The following SLC35G2 variants were observed in gnomAD, a reference collection of about 807,000 sequenced individuals.
SLC35G2 encodes the protein transmembrane protein 22.
A neutral mutation model predicts 27.2 loss-of-function variants in SLC35G2; 20 were observed. The ratio of observed to expected loss-of-function variants is 0.74; its 90% CI spans 0.52 to 1.07. The LOEUF is 1.07. SLC35G2 is among the 50% of genes least tolerant of loss of function. SLC35G2 has a pLI of 0.00. For missense variants in SLC35G2, 416 were observed against 493.3 expected (o/e 0.84, Z 1.48); for synonymous variants, 148 against 165.3 (o/e 0.90, Z 0.80).
intron 1 of SLC35G2, among the ~76,000 whole-genome samples, chr3:136,830,169 C>T (rs1936692155): frequency 1.4e-5 from 2 of 142,612 alleles, no homozygotes; most frequent in Non-Finnish European, 3.0e-5. Flanking sequence ...GGTGCAGTGG[C>T]GCGATCTCAG....
intron 1 of SLC35G2, chr3:136,820,390 A>G (rs1409979775): frequency 6.6e-6 from 1 of 152,246 alleles, no homozygotes; most frequent in Non-Finnish European, 1.5e-5. Flanking sequence ...ACCTTTGCCA[A>G]AAATAGCCCA....
chr3:136,826,708 T>C (rs1040665837), intron 1 of SLC35G2, among the ~76,000 whole-genome samples: 2 of 151,996 alleles, frequency 1.3e-5, no homozygotes, highest in Non-Finnish European at 1.5e-5. Flanking sequence ...GCAGTCGTGA[T>C]GCACTGCAAC....
chr3:136,834,951 C>G (rs1366704436), intron 1 of SLC35G2, among the ~76,000 whole-genome samples: 2 of 152,134 alleles, frequency 1.3e-5, no homozygotes, highest in African/African-American at 4.8e-5. Flanking sequence ...CATTCATTTT[C>G]TTTTTCTGAA....
intron 1 of SLC35G2, among the ~76,000 whole-genome samples, chr3:136,821,993 T>C (rs910310162): frequency 6.6e-6 from 1 of 152,162 alleles, no homozygotes; most frequent in Non-Finnish European, 1.5e-5. Flanking sequence ...TACATAGGTA[T>C]ATATATATTT....
chr3:136,845,882 C>T (rs1364684424), intron 1 of SLC35G2, among the ~76,000 whole-genome samples: 1 of 150,952 alleles, frequency 6.6e-6, no homozygotes, highest in African/African-American at 2.4e-5. Context: ...GCGTGAGCCA[C>T]CGCACCCGGC....
rs1243688068 is a variant in SLC35G2, at chr3:136,855,838, A to G, written c.*139A>G. 3.1e-5 allele frequency: 19 copies of G among 621,632 alleles called. No individual in the cohort carries two copies. The highest frequency in any genetic ancestry group is 6.6e-5 in the Admixed American group (2 of 30,116). 38.5% of individuals were successfully genotyped at this position (621,632 alleles called of 1,614,324 possible). A position where few individuals can be genotyped will look rare whatever the true frequency, so the allele number is the denominator to read the frequency against. ...TAATATATACAAATGCAGAAAATTT[A>G]TTCTAGTCTAATATATTCAAATACA... On this transcript the variant is annotated 3_prime_UTR_variant, in exon 2 of 2. Coordinates refer to ENST00000446465, the MANE Select transcript of SLC35G2 (RefSeq NM_025246.3).
At chr3:136,848,694 C>T (rs1421783174) in intron 1 of SLC35G2, among the ~76,000 whole-genome samples, 1 of 152,140 alleles carries the variant, frequency 6.6e-6, no homozygotes. Flanking sequence ...AAATCAAATA[C>T]TGCATGTTCT....
At chr3:136,843,849 C>T (rs6793966) in intron 1 of SLC35G2, among the ~76,000 whole-genome samples, 102,609 of 151,170 alleles carry the variant, frequency 0.68, 35,037 homozygotes, top group East Asian at 0.86. Flanking sequence ...CAGGAGAATC[C>T]CTTGAACCCA....
rs1403864953 is a variant in SLC35G2 at position 136,830,889 on chromosome 3, GTTATAA to G, written c.-19+11267_-19+11272del. Reference sequence around the variant, plus strand: ...TTTTTCAACTTAACACTATTTCATAGTTATAATTATATGTGAACTCAATCCACATAC... The same window carrying G: ...TTTTTCAACTTAACACTATTTCATAGTTATATGTGAACTCAATCCACATAC... On this transcript the variant is annotated intron_variant, in intron 1 of 1. Transcript: ENST00000446465. Among the ~76,000 whole-genome samples the G allele has an allele frequency of 5.3e-5, 8 of 152,108 alleles. No individual in the cohort carries two copies. The East Asian group carries it at 1.2e-3, about 22-fold the overall frequency.
At chr3:136,820,374 C>T (rs922440334) in intron 1 of SLC35G2, 2 of 152,296 alleles carry the variant, frequency 1.3e-5, no homozygotes, top group East Asian at 3.9e-4. Flanking sequence ...TGCCCTTCTA[C>T]TCTGCACCTT....
chr3:136,836,127 C>T (rs917667632), intron 1 of SLC35G2, among the ~76,000 whole-genome samples: 4 of 152,018 alleles, frequency 2.6e-5, no homozygotes, highest in Non-Finnish European at 5.9e-5. Context: ...GAAATTCACA[C>T]ACACACACCC....
chr3:136,848,332 T>A (rs1442293157), intron 1 of SLC35G2, among the ~76,000 whole-genome samples: 2 of 152,130 alleles, frequency 1.3e-5, no homozygotes, highest in Non-Finnish European at 2.9e-5. Context: ...GTTCAGCATA[T>A]CATAGGCTGG....
chr3:136,840,217 T>G (rs1937027361), intron 1 of SLC35G2, among the ~76,000 whole-genome samples: 1 of 152,204 alleles, frequency 6.6e-6, no homozygotes, highest in Non-Finnish European at 1.5e-5. Flanking sequence ...AGGGTTCTCT[T>G]GTACCCAGGT....
At chr3:136,829,433 G>A (rs1042453461) in intron 1 of SLC35G2, among the ~76,000 whole-genome samples, 4 of 152,036 alleles carry the variant, frequency 2.6e-5, no homozygotes, top group Non-Finnish European at 4.4e-5. Flanking sequence ...TATTGGCCAG[G>A]CTGGTTTTGA....
At chr3:136,842,259 A>C (rs1364183421) in intron 1 of SLC35G2, 4 of 152,198 alleles carry the variant, frequency 2.6e-5, no homozygotes, top group African/African-American at 7.2e-5. Flanking sequence ...TTTCATTGCT[A>C]TTTCCTTGTT....
chr3:136,846,949 C>T (rs1937409899), intron 1 of SLC35G2, among the ~76,000 whole-genome samples: 1 of 152,054 alleles, frequency 6.6e-6, no homozygotes, highest in African/African-American at 2.4e-5. Flanking sequence ...AGTGAATCAC[C>T]TGAGGTCAGG....
intron 1 of SLC35G2, among the ~76,000 whole-genome samples, chr3:136,851,496 CAAAAAA>C (rs11427657): frequency 0.11 from 7,037 of 66,346 alleles, 538 homozygotes; most frequent in African/African-American, 0.35. Flanking sequence ...GACTCCGTCT[CAAAAAA>C]AAAAAAAAAA....
intron 1 of SLC35G2, among the ~76,000 whole-genome samples, chr3:136,850,093 C>T (rs891075201): frequency 9.9e-5 from 15 of 152,058 alleles, no homozygotes; most frequent in Non-Finnish European, 1.8e-4. Flanking sequence ...GGGGACAGAG[C>T]GAGACTCCGT....
chr3:136,844,797 CA>C (rs58243269), intron 1 of SLC35G2, among the ~76,000 whole-genome samples: 2,327 of 35,786 alleles, frequency 0.065, 16 homozygotes, highest in African/African-American at 0.2. Context: ...CTCTCTGTCT[CA>C]AAAAAAAAAA....
Sources: gnomAD v4.1 joint callset for allele counts (sites outside exome capture counted in the v4.1 genomes callset) on GRCh38, gnomAD v4.1.1 for gene constraint, MANE v1.5 for transcripts, NCBI Gene and HGNC (gene_info 2026-07-23, HGNC 2026-07-21) for gene names.